USP6NL: variants seen among roughly 807,000 people sequenced by gnomAD.
USP6NL encodes the protein USP6 N-terminal like.
A neutral mutation model predicts 61.9 loss-of-function variants in USP6NL; 26 were observed. The ratio of observed to expected loss-of-function variants is 0.42; its 90% CI spans 0.31 to 0.58. The LOEUF is 0.58. Ranked by LOEUF, USP6NL falls within the 20% of genes least tolerant of loss-of-function variation. The pLI is 0.16. For missense variants in USP6NL, 1,114 were observed against 1,034.3 expected, an observed-to-expected ratio of 1.08 and a Z score of -1.06; for synonymous variants, 432 against 390.1, an observed-to-expected ratio of 1.11 and a Z score of -1.27.
rs58184728 is a variant in USP6NL at position 11,526,956 on chromosome 10, C to T, written c.72+544G>A. ...TATAATAGCAGATGTAAATTATGAA[C>T]GCAACGGATATGTAATTCCATATAC... On this transcript the variant is annotated intron_variant, in intron 3 of 14. Coordinates refer to ENST00000609104, the MANE Select transcript of USP6NL (RefSeq NM_014688.5). 3.4e-3 allele frequency among the ~76,000 whole-genome samples: 512 copies of T among 152,142 alleles called. 6 individuals carry two copies. Among genetic ancestry groups the T allele is most frequent in the African/African-American group, 0.011 (473 of 41,506 alleles).
chr10:11,596,058 G>GAC lies in USP6NL; in HGVS notation c.4+1571_4+1572dup, dbSNP rs1303653663. ...GTTTTCTAGGGTAAGCAGTATACAA[G>GAC]ACACCATCAAACACCGAAATTCAAA... On this transcript the variant is annotated intron_variant, in intron 2 of 14. Transcript: ENST00000609104. The surrounding 1 kb of genome is among the most constrained non-coding windows in gnomAD (Gnocchi z 4.1). 6.6e-6 allele frequency among the ~76,000 whole-genome samples: 1 copy of GAC among 152,060 alleles called. No individual in the cohort carries two copies. Among genetic ancestry groups the GAC allele is most frequent in the East Asian group, 1.9e-4 (1 of 5,190 alleles).
At chr10:11,512,654 A>C (rs1834772260) in intron 5 of USP6NL, among the ~76,000 whole-genome samples, 1 of 152,200 alleles carries the variant, frequency 6.6e-6, no homozygotes, top group Admixed American at 6.5e-5. Flanking sequence ...ACTATTTGTC[A>C]TTCCCATACA....
intron 7 of USP6NL, among the ~76,000 whole-genome samples, chr10:11,494,841 A>G (rs981455448): frequency 3.3e-5 from 5 of 152,370 alleles, no homozygotes; most frequent in African/African-American, 1.2e-4. Context: ...CCAGGTGTAC[A>G]GGATGGAACA....
chr10:11,518,288 AC>A lies in USP6NL; in HGVS notation c.195+246del, dbSNP rs1182078870. The stretch of plus-strand genomic sequence containing the variant: ...TCTCAAAGCCTCTCTGTTCTGAAGC[AC>A]GCCTAGCTCAGGACCTGCCAGTCTA... On this transcript the variant is annotated intron_variant, in intron 5 of 14. Coordinates refer to ENST00000609104, the MANE Select transcript of USP6NL (RefSeq NM_014688.5). This position sits in a 1 kb window ranked among gnomAD's most constrained non-coding sequence, Gnocchi z 5.3. Among the ~76,000 whole-genome samples, 2 of 152,170 alleles carry A rather than the reference AC, an allele frequency of 1.3e-5. No homozygotes were observed. Among genetic ancestry groups the A allele is most frequent in the African/African-American group, 4.8e-5 (2 of 41,450 alleles).
intron 2 of USP6NL, among the ~76,000 whole-genome samples, chr10:11,557,725 G>C (rs10905974): frequency 0.16 from 23,834 of 152,186 alleles, 2,203 homozygotes; most frequent in South Asian, 0.21. Flanking sequence ...TAGTGCATGA[G>C]GAAAGAGGGT....
chr10:11,506,684 A>T (rs1834450816), intron 6 of USP6NL, among the ~76,000 whole-genome samples: 1 of 152,042 alleles, frequency 6.6e-6, no homozygotes, highest in African/African-American at 2.4e-5. Context: ...TACTGTACAT[A>T]GGGAGGCAGT....
rs983834795 is a variant in USP6NL at position 11,463,932 on chromosome 10, T to C, written c.1079-83A>G. 2.3e-6 allele frequency: 3 copies of C among 1,308,182 alleles called. No individual in the cohort carries two copies. Among genetic ancestry groups the C allele is most frequent in the African/African-American group, 3.0e-5 (2 of 66,706 alleles). 81.0% of individuals were successfully genotyped at this position (1,308,182 alleles called of 1,614,324 possible). On this transcript the variant is annotated intron_variant, in intron 14 of 14. Transcript: ENST00000609104. The surrounding 1 kb of genome is among the most constrained non-coding windows in gnomAD (Gnocchi z 6.3). Reference sequence around the variant, plus strand: ...AAGCAATCCATTAGTAACAATGGCATGCTTTTCATCTGTGCACAGATACAC... The same window carrying C: ...AAGCAATCCATTAGTAACAATGGCACGCTTTTCATCTGTGCACAGATACAC...
At chr10:11,542,989 A>C (rs1836127939) in intron 2 of USP6NL, among the ~76,000 whole-genome samples, 1 of 152,164 alleles carries the variant, frequency 6.6e-6, no homozygotes, top group Non-Finnish European at 1.5e-5. Context: ...AAACAAGAAA[A>C]ATATTTAGGG....
Position 11,535,815 on chromosome 10 carries a change from T to C in USP6NL, c.5-8248A>G, listed in dbSNP as rs542069519. Among the ~76,000 whole-genome samples the C allele has an allele frequency of 1.1e-4, 16 of 152,368 alleles. No homozygotes were observed. In the South Asian group the frequency reaches 3.3e-3, roughly 32 times the overall value. On this transcript the variant is annotated intron_variant, in intron 2 of 14. Coordinates refer to ENST00000609104, the MANE Select transcript of USP6NL (RefSeq NM_014688.5). ...AGATACATCAAGAAAAAAGATTATTTTTAAATGTTGAAATCTTAGTAAACG... is the reference window on the plus strand; with the variant it reads ...AGATACATCAAGAAAAAAGATTATTCTTAAATGTTGAAATCTTAGTAAACG...
intron 5 of USP6NL, among the ~76,000 whole-genome samples, chr10:11,512,951 T>C (rs1004242294): frequency 6.6e-6 from 1 of 152,236 alleles, no homozygotes; most frequent in African/African-American, 2.4e-5. Context: ...AATTGTCTCA[T>C]CTATAAAACG....
chr10:11,568,567 A>G (rs1186594412), intron 2 of USP6NL, among the ~76,000 whole-genome samples: 1 of 152,230 alleles, frequency 6.6e-6, no homozygotes, highest in Non-Finnish European at 1.5e-5. Context: ...TATTTAAATG[A>G]CATGCTTTTA....
Position 11,462,310 on chromosome 10 carries a change from C to A in USP6NL, c.*131G>T. On this transcript the variant is annotated 3_prime_UTR_variant, in exon 15 of 15. Coordinates refer to ENST00000609104, the MANE Select transcript of USP6NL (RefSeq NM_014688.5). Reference sequence around the variant, plus strand: ...GGGGCTGAAGACATTTCCCTGTATTCTTACTACTAACAGACAGGAGAGATG... The same window carrying A: ...GGGGCTGAAGACATTTCCCTGTATTATTACTACTAACAGACAGGAGAGATG... The A allele has an allele frequency of 9.1e-7, 1 of 1,101,200 alleles. No homozygotes were observed. The highest frequency in any genetic ancestry group is 1.3e-6 in the Non-Finnish European group (1 of 792,010). The allele number at this position is 1,101,200 out of a possible 1,614,324, so 68.2% of individuals were successfully genotyped here. A position where few individuals can be genotyped will look rare whatever the true frequency, so the allele number is the denominator to read the frequency against.
chr10:11,462,533 G>A lies in USP6NL; in HGVS notation c.2395C>T (p.Pro799Ser). The A allele has an allele frequency of 1.9e-6, 3 of 1,614,024 alleles. No homozygotes were observed. Among genetic ancestry groups the A allele is most frequent in the Non-Finnish European group, 2.5e-6 (3 of 1,179,904 alleles). Reference sequence around the variant, plus strand: ...GGCCCTGAATATGGATATCCAGATGGACTGGCATCTTCTGCGGCCGGTGAA... The same window carrying A: ...GGCCCTGAATATGGATATCCAGATGAACTGGCATCTTCTGCGGCCGGTGAA... ...KASPAAEDAS[P>S]SGYPYSGPPP... The change falls in exon 15 of 15, where the codon CCA becomes TCA. Residue 799 changes from proline to serine, a missense_variant. Transcript: ENST00000609104.
rs1351171302 is a variant in USP6NL at position 11,487,012 on chromosome 10, C to T, written c.665-1101G>A. 6.6e-6 allele frequency among the ~76,000 whole-genome samples: 1 copy of T among 151,416 alleles called. No homozygotes were observed. ...ATTTCCAGAGACAGAAATTCTATTT[C>T]TCCTTTAGTAATATTTTTCAGTGAA... On this transcript the variant is annotated intron_variant, in intron 10 of 14. Transcript: ENST00000609104. This position sits in a 1 kb window ranked among gnomAD's most constrained non-coding sequence, Gnocchi z 4.2.
chr10:11,605,101 A>G (rs1838662579), intron 1 of USP6NL, among the ~76,000 whole-genome samples: 1 of 152,198 alleles, frequency 6.6e-6, no homozygotes, highest in South Asian at 2.1e-4. Flanking sequence ...CTAACAAGAC[A>G]GTGTGAAATT....
chr10:11,535,621 T>C (rs1165807091), intron 2 of USP6NL, among the ~76,000 whole-genome samples: 1 of 152,220 alleles, frequency 6.6e-6, no homozygotes, highest in Non-Finnish European at 1.5e-5. Flanking sequence ...AGCTGCTTCA[T>C]GCTTCAGTTC....
At chr10:11,605,542 G>A (rs1373897756) in intron 1 of USP6NL, among the ~76,000 whole-genome samples, 1 of 152,092 alleles carries the variant, frequency 6.6e-6, no homozygotes, top group Non-Finnish European at 1.5e-5. Flanking sequence ...AGAAATAAAA[G>A]AGACCATAAA....
At chr10:11,509,474 A>C in intron 6 of USP6NL, 121 bp downstream of exon 6, 1 of 933,004 alleles carries the variant, frequency 1.1e-6, no homozygotes, top group Admixed American at 3.0e-5. Flanking sequence ...CTGCTAAATT[A>C]AACCAAAATT....
rs372237952 is a variant in USP6NL at position 11,513,593 on chromosome 10, T to A, written c.196-3918A>T. Among the ~76,000 whole-genome samples, 5 of 152,250 alleles carry A rather than the reference T, an allele frequency of 3.3e-5. No homozygotes were observed. The highest frequency in any genetic ancestry group is 1.2e-4 in the African/African-American group (5 of 41,464). ...CTTTTGCTAGATTTCATTTATACTA[T>A]TTAGGTTTTTAGGGGGAACTGATCA... On this transcript the variant is annotated intron_variant, in intron 5 of 14. Transcript: ENST00000609104. This position sits in a 1 kb window ranked among gnomAD's most constrained non-coding sequence, Gnocchi z 4.7.
Sources: gnomAD v4.1 joint callset for allele counts (sites outside exome capture counted in the v4.1 genomes callset) on GRCh38, gnomAD v4.1.1 for gene constraint, Gnocchi (gnomAD v3.1) non-coding constraint, MANE v1.5 for transcripts, NCBI Gene and HGNC (gene_info 2026-07-23, HGNC 2026-07-21) for gene names.